Variants in GPAM observed in about 807,000 individuals in gnomAD.
GPAM encodes the protein glycerol-3-phosphate acyltransferase, mitochondrial, also known as glycerol-3-phosphate acyltransferase 1, mitochondrial.
Under a neutral mutation model 105.0 loss-of-function variants are expected in GPAM, and 56 were observed. The observed-to-expected ratio is 0.53, with a 90% CI of 0.43 to 0.67. The LOEUF is 0.67. GPAM is among the 30% of genes least tolerant of loss of function. The pLI, the probability that GPAM is intolerant of heterozygous loss-of-function variation, is 0.00. For missense variants in GPAM, 855 were observed against 989.8 expected (o/e 0.86, Z 1.83); for synonymous variants, 368 against 354.4 (o/e 1.04, Z -0.43).
chr10:112,216,878 C>T (rs190759103), upstream of GPAM, among the ~76,000 whole-genome samples: 1 of 151,468 alleles, frequency 6.6e-6, no homozygotes, highest in East Asian at 2.0e-4. Flanking sequence ...CCTGCCTTAG[C>T]CTCCCAAAGT....
chr10:112,202,652 T>C (rs528577672), intron 1 of GPAM, among the ~76,000 whole-genome samples: 2 of 152,308 alleles, frequency 1.3e-5, no homozygotes, highest in Admixed American at 6.5e-5. Flanking sequence ...GCTGACACCA[T>C]AAAATACCTA....
At chr10:112,194,297 T>A (rs1847697772) in intron 1 of GPAM, among the ~76,000 whole-genome samples, 1 of 152,204 alleles carries the variant, frequency 6.6e-6, no homozygotes, top group Non-Finnish European at 1.5e-5. Context: ...GAACCACATT[T>A]ATGACACTTC....
chr10:112,164,363 T>C (rs1564676422), intron 13 of GPAM, among the ~76,000 whole-genome samples, 162 bp downstream of exon 13: 2 of 152,288 alleles, frequency 1.3e-5, no homozygotes, highest in South Asian at 2.1e-4. Context: ...CAAACTAATA[T>C]GAAAACATGT....
In GPAM at chr10:112,151,407, A is replaced by G; in HGVS notation, c.*2143T>C. 1 of 985,794 alleles carries G rather than the reference A, an allele frequency of 1.0e-6. No individual in the cohort carries two copies. The highest frequency in any genetic ancestry group is 1.2e-6 in the Non-Finnish European group (1 of 829,866). The allele number at this position is 985,794 out of a possible 1,614,324, so 61.1% of individuals were successfully genotyped here. On this transcript the variant is annotated 3_prime_UTR_variant, in exon 22 of 22. Coordinates refer to ENST00000348367, the MANE Select transcript of GPAM (RefSeq NM_001244949.2). ...ACTCAAAGGTCAGCTTGTCTGGATGAGCATAACTTTGGTTGAGATTTTTCT... is the reference window on the plus strand; with the variant it reads ...ACTCAAAGGTCAGCTTGTCTGGATGGGCATAACTTTGGTTGAGATTTTTCT...
At chr10:112,221,832 T>C in the GPAM span, among the ~76,000 whole-genome samples, 1 of 152,200 alleles carries the variant, frequency 6.6e-6, no homozygotes, top group Admixed American at 6.5e-5. Flanking sequence ...TATGGCTAAA[T>C]ATGAACCAAG....
In GPAM at chr10:112,209,356, C is replaced by T. The variant is rs7095195; in HGVS notation, n.210+5812G>A. ...GCACATTTTCTAGTATCTAGTAGTG[C>T]GTGTTGTTCTGTCTGGGTAGTGGAA... On this transcript the variant is annotated intron_variant and non_coding_transcript_variant, in intron 1 of 3. Transcript: ENST00000480130. Among the ~76,000 whole-genome samples, 14 of 151,792 alleles carry T rather than the reference C, an allele frequency of 9.2e-5. No homozygotes were observed. In the East Asian group the frequency reaches 1.2e-3, roughly 13 times the overall value.
At chr10:112,194,335 G>A (rs1032872896) in intron 1 of GPAM, among the ~76,000 whole-genome samples, 4 of 152,192 alleles carry the variant, frequency 2.6e-5, no homozygotes, top group South Asian at 4.1e-4. Context: ...ACCAAAGGTC[G>A]TAATGTAGAA....
At position 112,151,312 on chromosome 10, in the gene GPAM, A is replaced by T; in HGVS notation, c.*2238T>A. 3 of 984,860 alleles carry T rather than the reference A, an allele frequency of 3.0e-6. No homozygotes were observed. Among genetic ancestry groups the T allele is most frequent in the Non-Finnish European group, 3.6e-6 (3 of 829,548 alleles). 61.0% of individuals were successfully genotyped at this position (984,860 alleles called of 1,614,324 possible). On this transcript the variant is annotated 3_prime_UTR_variant, in exon 22 of 22. Coordinates refer to ENST00000348367, the MANE Select transcript of GPAM (RefSeq NM_001244949.2). ...GGTGCTATCTGGAAGCTTCATTGTG[A>T]AGATGCTTTCGTTTTTTTGTTTTTT...
At chr10:112,199,332 G>C (rs1018475543) in intron 1 of GPAM, among the ~76,000 whole-genome samples, 1 of 152,122 alleles carries the variant, frequency 6.6e-6, no homozygotes, top group Non-Finnish European at 1.5e-5. Flanking sequence ...ACTTATATGT[G>C]GGATACAGAA....
At position 112,159,957 on chromosome 10, in the gene GPAM, G is replaced by A. The variant is rs764728397; in HGVS notation, c.1856C>T (p.Ala619Val). 1.3e-5 allele frequency: 21 copies of A among 1,613,840 alleles called. No homozygotes were observed. Among genetic ancestry groups the A allele is most frequent in the South Asian group, 3.3e-5 (3 of 91,076 alleles). ...LISQEQLVRK[A>V]ASLCYLLSNE... ...GGAGAGAAGGTAGCACAGGCTGGCCGCCTTCCGCACCAGCTGCTCCTGGCT... is the reference window on the plus strand; with the variant it reads ...GGAGAGAAGGTAGCACAGGCTGGCCACCTTCCGCACCAGCTGCTCCTGGCT... The change falls in exon 17 of 22, where the codon GCG (alanine) becomes GTG (valine). Residue 619 changes from alanine to valine, a missense_variant. Ala to Val is a moderately conservative substitution (Grantham distance 64). Transcript: ENST00000348367.
chr10:112,195,741 A>G (rs1306980793), intron 1 of GPAM, among the ~76,000 whole-genome samples: 3 of 152,186 alleles, frequency 2.0e-5, no homozygotes, highest in African/African-American at 4.8e-5. Flanking sequence ...CTCAATATCT[A>G]TTTGTTGAAT....
chr10:112,208,643 C>T (rs1055528889), intron 1 of GPAM, among the ~76,000 whole-genome samples: 2 of 152,108 alleles, frequency 1.3e-5, no homozygotes, highest in Non-Finnish European at 2.9e-5. Flanking sequence ...ATGTTAGCCT[C>T]GGTGACAAGC....
chr10:112,158,401 GAAAA>G lies in GPAM; in HGVS notation c.1903-12_1903-9del. The stretch of plus-strand genomic sequence containing the variant: ...GTAAAATGTCTGGCAAGGCTGAAAA[GAAAA>G]TTCATTTAAATATAAATGCCACCAT... On this transcript the variant is annotated splice_polypyrimidine_tract_variant and intron_variant, in intron 17 of 21. Transcript: ENST00000348367. 1 of 1,557,910 alleles carries G rather than the reference GAAAA, an allele frequency of 6.4e-7. No individual in the cohort carries two copies. Among genetic ancestry groups the G allele is most frequent in the Non-Finnish European group, 8.9e-7 (1 of 1,128,780 alleles).
At position 112,150,727 on chromosome 10, in the gene GPAM, G is replaced by A. The variant is rs1314719253; in HGVS notation, c.*2823C>T. 4.1e-6 allele frequency: 4 copies of A among 980,530 alleles called. No homozygotes were observed. Among genetic ancestry groups the A allele is most frequent in the Admixed American group, 6.2e-5 (1 of 16,256 alleles). 60.7% of individuals were successfully genotyped at this position (980,530 alleles called of 1,614,324 possible). On this transcript the variant is annotated 3_prime_UTR_variant, in exon 22 of 22. Transcript: ENST00000348367. Reference sequence around the variant, plus strand: ...AGCCCTTACTGCGCTAAAGTGCATTGTAAGTTTCCAGGTGCAAACTTGGTT... The same window carrying A: ...AGCCCTTACTGCGCTAAAGTGCATTATAAGTTTCCAGGTGCAAACTTGGTT...
intron 1 of GPAM, among the ~76,000 whole-genome samples, chr10:112,195,756 A>G (rs1847716354): frequency 6.6e-6 from 1 of 152,244 alleles, no homozygotes; most frequent in African/African-American, 2.4e-5. Context: ...TTGAATGTCT[A>G]AGTACAAGAC....
At chr10:112,194,510 G>A (rs1285625653) in intron 1 of GPAM, among the ~76,000 whole-genome samples, 1 of 152,188 alleles carries the variant, frequency 6.6e-6, no homozygotes, top group Non-Finnish European at 1.5e-5. Flanking sequence ...ATCACCATTG[G>A]TTCTTAAAAG....
At chr10:112,169,016 A>G in intron 9 of GPAM, 64 bp from the exon 10 acceptor site, 1 of 1,093,258 alleles carries the variant, frequency 9.1e-7, no homozygotes, top group Non-Finnish European at 1.4e-6. Context: ...TCACATTCCA[A>G]GTTAATTGAA....
chr10:112,155,624 G>C (rs1423662689), intron 20 of GPAM: 2 of 424,496 alleles, frequency 4.7e-6, no homozygotes, highest in Non-Finnish European at 8.5e-6. Context: ...AAGAACAAAG[G>C]AACAACTATA....
chr10:112,159,813 T>A, intron 17 of GPAM, 98 bp downstream of exon 17: 1 of 1,164,736 alleles, frequency 8.6e-7, no homozygotes, highest in Non-Finnish European at 1.3e-6. Context: ...GTATCAACAA[T>A]GGGTCAAACA....
Sources: allele counts gnomAD v4.1 joint callset (sites outside exome capture counted in the v4.1 genomes callset), GRCh38; gene constraint gnomAD v4.1.1; transcripts MANE v1.5; gene names NCBI Gene and HGNC (gene_info 2026-07-23, HGNC 2026-07-21).